TBC1D4: variants seen among roughly 807,000 people sequenced by gnomAD.
TBC1D4 encodes the protein TBC (Tre-2, BUB2, CDC16) domain-containing protein.
Under a neutral mutation model 142.5 loss-of-function variants are expected in TBC1D4, and 121 were observed. The observed-to-expected ratio is 0.85, with a 90% confidence interval of 0.73 to 0.99. The LOEUF (loss-of-function observed/expected upper bound fraction) is 0.99, where lower values mean the gene tolerates loss of function less well. Among genes scored for constraint, TBC1D4 ranks in the 50% least tolerant of loss-of-function variants. The probability of loss-of-function intolerance (pLI) is 0.00; values close to 1 mark genes in which losing one functional copy is unlikely to be tolerated. For missense variants in TBC1D4, 1,475 were observed against 1,606.6 expected (o/e 0.92, Z 1.40); for synonymous variants, 630 against 628.2 (o/e 1.00, Z -0.04).
At chr13:75,431,090 G>A (rs1336513036) in intron 1 of TBC1D4, among the ~76,000 whole-genome samples, 4 of 152,144 alleles carry the variant, frequency 2.6e-5, no homozygotes, top group Non-Finnish European at 4.4e-5. Flanking sequence ...GGGAAATGAG[G>A]CATCAATGGG....
intron 1 of TBC1D4, among the ~76,000 whole-genome samples, chr13:75,380,148 G>A (rs1883746376): frequency 6.6e-6 from 1 of 150,914 alleles, no homozygotes; most frequent in South Asian, 2.1e-4. Flanking sequence ...CAAAGTGCTG[G>A]GATTACAGGC....
chr13:75,418,222 G>GC (rs1886003624), intron 1 of TBC1D4, among the ~76,000 whole-genome samples: 2 of 152,158 alleles, frequency 1.3e-5, no homozygotes, highest in South Asian at 4.2e-4. Flanking sequence ...GTGTTACTAA[G>GC]CCCCACCGAT....
Position 75,324,379 on chromosome 13 carries a change from T to G in TBC1D4, c.2056A>C (p.Met686Leu). 1 of 1,613,996 alleles carries G rather than the reference T, an allele frequency of 6.2e-7. No homozygotes were observed. Among genetic ancestry groups the G allele is most frequent in the Non-Finnish European group, 8.5e-7 (1 of 1,179,898 alleles). ...QCSNLSSVRR[M>L]YKESNSSSSL... ...GAGGAAGAATTACTCTCCTTGTACA[T>G]GCGTCGAACTGACGAAAGATTGCTG... The change falls in exon 11 of 21, where the codon ATG (methionine) becomes CTG (leucine). Residue 686 changes from methionine (M) to leucine (L), a missense_variant. Met to Leu is a conservative substitution (Grantham distance 15). Coordinates refer to ENST00000377636, the MANE Select transcript of TBC1D4 (RefSeq NM_014832.5).
rs9593076 is a variant in TBC1D4 at position 75,440,673 on chromosome 13, C to A, written c.498+40597G>T. On this transcript the variant is annotated intron_variant, in intron 1 of 20. Coordinates refer to ENST00000377636, the MANE Select transcript of TBC1D4 (RefSeq NM_014832.5). ...GGCTCAAGGGATCCCCCCAGCTTAG[C>A]CCCCTGAGTAGACAGGGCTACAGGC... Among the ~76,000 whole-genome samples, 907 of 151,868 alleles carry A rather than the reference C, an allele frequency of 6.0e-3. 12 individuals are homozygous for A. The highest frequency in any genetic ancestry group is 0.02 in the African/African-American group (818 of 41,470).
chr13:75,441,790 TTC>T (rs1887053009), intron 1 of TBC1D4, among the ~76,000 whole-genome samples: 1 of 152,208 alleles, frequency 6.6e-6, no homozygotes, highest in Non-Finnish European at 1.5e-5. Context: ...AGTAACTTCA[TTC>T]TCTCTGTTCC....
At chr13:75,454,764 C>A (rs1486273263) in intron 1 of TBC1D4, among the ~76,000 whole-genome samples, 2 of 152,176 alleles carry the variant, frequency 1.3e-5, no homozygotes, top group Non-Finnish European at 2.9e-5. Flanking sequence ...CAAGAACACA[C>A]AAATCCCCAG....
chr13:75,406,941 T>A (rs1201174671), intron 1 of TBC1D4, among the ~76,000 whole-genome samples: 1 of 152,178 alleles, frequency 6.6e-6, no homozygotes, highest in Non-Finnish European at 1.5e-5. Flanking sequence ...ATCATTCTGA[T>A]CAACACCCTA....
chr13:75,400,569 T>C (rs943317092), intron 1 of TBC1D4, among the ~76,000 whole-genome samples: 1 of 150,428 alleles, frequency 6.6e-6, no homozygotes, highest in Non-Finnish European at 1.5e-5. Context: ...GCGATTCTCC[T>C]GCCTCAGCCT....
chr13:75,364,321 C>A (rs1374017985), intron 1 of TBC1D4, among the ~76,000 whole-genome samples: 1 of 152,194 alleles, frequency 6.6e-6, no homozygotes, highest in Non-Finnish European at 1.5e-5. Flanking sequence ...TTTCGGACCA[C>A]AGATGACCAC....
chr13:75,300,337 C>A (rs1566351812), intron 16 of TBC1D4, among the ~76,000 whole-genome samples: 2 of 152,142 alleles, frequency 1.3e-5, no homozygotes, highest in East Asian at 3.9e-4. Flanking sequence ...GAGTTCTATA[C>A]ACAGAAACAA....
intron 1 of TBC1D4, among the ~76,000 whole-genome samples, chr13:75,420,836 A>G (rs1352631491): frequency 6.6e-6 from 1 of 152,158 alleles, no homozygotes; most frequent in Admixed American, 6.5e-5. Context: ...TCAGGGGGAA[A>G]GGGTGAACAA....
At chr13:75,378,082 G>C (rs1012046511) in intron 1 of TBC1D4, among the ~76,000 whole-genome samples, 1 of 151,936 alleles carries the variant, frequency 6.6e-6, no homozygotes, top group Non-Finnish European at 1.5e-5. Flanking sequence ...GTGGCTTTTT[G>C]TTAGTGTAAA....
Position 75,332,209 on chromosome 13 carries a change from G to C in TBC1D4, c.1732-4383C>G, listed in dbSNP as rs141519925. 3.5e-3 allele frequency among the ~76,000 whole-genome samples: 529 copies of C among 152,274 alleles called. 7 individuals are homozygous for C. Among genetic ancestry groups the C allele is most frequent in the East Asian group, 0.027 (138 of 5,180 alleles). On this transcript the variant is annotated intron_variant, in intron 8 of 20. Coordinates refer to ENST00000377636, the MANE Select transcript of TBC1D4 (RefSeq NM_014832.5). ...CCTTTGCCATTTTGTAAATGACAGA[G>C]GTTTTGAGCTTACTACTGAATATAC... is the stretch of plus-strand genomic sequence containing the variant.
At chr13:75,480,386 T>G (rs1372068387) in intron 1 of TBC1D4, among the ~76,000 whole-genome samples, 1 of 152,138 alleles carries the variant, frequency 6.6e-6, no homozygotes, top group African/African-American at 2.4e-5. Context: ...GAAAACTCAT[T>G]ACAAATTAAA....
chr13:75,333,322 G>A (rs542522819), intron 8 of TBC1D4, among the ~76,000 whole-genome samples: 10 of 152,244 alleles, frequency 6.6e-5, no homozygotes, highest in African/African-American at 2.4e-4. Flanking sequence ...ATTGATGACT[G>A]TACAATGGCA....
intron 1 of TBC1D4, among the ~76,000 whole-genome samples, chr13:75,461,618 G>GT: frequency 6.6e-6 from 1 of 152,316 alleles, no homozygotes; most frequent in Middle Eastern, 3.4e-3. Context: ...TTATAGAAAT[G>GT]TAAGAATGAC....
intron 1 of TBC1D4, among the ~76,000 whole-genome samples, chr13:75,406,251 T>G (rs1446404522): frequency 6.6e-6 from 1 of 152,246 alleles, no homozygotes; most frequent in Non-Finnish European, 1.5e-5. Flanking sequence ...GCCTCTTCAC[T>G]GCTACTCAGA....
At chr13:75,303,670 T>A (rs1876831748) in intron 15 of TBC1D4, among the ~76,000 whole-genome samples, 1 of 152,220 alleles carries the variant, frequency 6.6e-6, no homozygotes, top group Non-Finnish European at 1.5e-5. Context: ...TCTGACTGAT[T>A]GCCAGAGTTT....
Position 75,299,486 on chromosome 13 carries a change from C to A in TBC1D4, c.3000G>T (p.Leu1000Phe). ...SLFNLLKAYS[L>F]LDKEVGYCQG... Reference sequence around the variant, plus strand: ...GACAGTATCCCACTTCTTTGTCCAGCAAAGAATAGGCTTTCAGGAGGTTAA... The same window carrying A: ...GACAGTATCCCACTTCTTTGTCCAGAAAAGAATAGGCTTTCAGGAGGTTAA... Residue 1000 changes from leucine (L) to phenylalanine (F), a missense_variant, in exon 17 of 21, where the codon TTG (leucine) becomes TTT (phenylalanine). Around this residue, in one of 2 missense-constraint regions of TBC1D4, gnomAD observed 1,227 missense variants for 1,267.7 expected, o/e 0.97. Transcript: ENST00000377636. 1 of 1,614,148 alleles carries A rather than the reference C, an allele frequency of 6.2e-7. No individual in the cohort carries two copies. The highest frequency in any genetic ancestry group is 8.5e-7 in the Non-Finnish European group (1 of 1,180,036).
Sources: allele counts gnomAD v4.1 joint callset (sites outside exome capture counted in the v4.1 genomes callset), GRCh38; gene constraint gnomAD v4.1.1; regional missense constraint gnomAD v4.1.1; transcripts MANE v1.5; gene names NCBI Gene and HGNC (gene_info 2026-07-23, HGNC 2026-07-21).